MACF1: variants seen among roughly 807,000 people sequenced by gnomAD.
The protein encoded by MACF1 is microtubule actin crosslinking factor 1.
Under a neutral mutation model 854.8 loss-of-function variants are expected in MACF1, and 193 were observed. The observed-to-expected ratio is 0.23, with a 90% CI of 0.20 to 0.25. MACF1 has a LOEUF of 0.25. Among genes scored for constraint, MACF1 ranks in the 10% least tolerant of loss-of-function variants. The pLI, the probability that MACF1 is intolerant of heterozygous loss-of-function variation, is 1.00. For missense variants in MACF1, 7,722 were observed against 8,929.1 expected (o/e 0.86, Z 5.45); for synonymous variants, 3,185 against 3,226.7 (o/e 0.99, Z 0.44).
At chr1:39,149,778 C>T (rs1199864973) in intron 2 of MACF1, among the ~76,000 whole-genome samples, 2 of 152,040 alleles carry the variant, frequency 1.3e-5, no homozygotes, top group African/African-American at 4.8e-5. Flanking sequence ...GCCTCCTCTC[C>T]AACCACTTTC....
chr1:39,484,165 T>TA (rs915949963), intron 99 of MACF1, among the ~76,000 whole-genome samples: 2 of 152,040 alleles, frequency 1.3e-5, no homozygotes, highest in African/African-American at 4.8e-5. Flanking sequence ...AAAAATAAAA[T>TA]AAAAAAAGAT....
intron 52 of MACF1, among the ~76,000 whole-genome samples, chr1:39,375,111 AAAAT>A (rs567767237): frequency 2.6e-5 from 4 of 151,754 alleles, no homozygotes; most frequent in Non-Finnish European, 5.9e-5. Context: ...CTCCATCTCA[AAAAT>A]AAATAAATAA....
chr1:39,334,617 TTTGC>T lies in MACF1; in HGVS notation c.8030_8033del (p.Phe2677TyrfsTer4), dbSNP rs1454821205. 1 of 1,613,954 alleles carries T rather than the reference TTTGC, an allele frequency of 6.2e-7. No homozygotes were observed. Among genetic ancestry groups the T allele is most frequent in the African/African-American group, 1.3e-5 (1 of 74,918 alleles). ...AGCAATTCAGCTTGGAAAAGTAGAC[TTTGC>T]ATCTACGCTGAAGGTTCTAGAAGCC... is the stretch of plus-strand genomic sequence containing the variant. On this transcript the variant is annotated frameshift_variant, in exon 37 of 101. Transcript: ENST00000564288. LOFTEE classifies it high-confidence loss of function.
chr1:39,393,196 A>AAAAAAAAAAAATATATATAT (rs57576149), intron 58 of MACF1, among the ~76,000 whole-genome samples: 1 of 66,576 alleles, frequency 1.5e-5, no homozygotes, highest in Non-Finnish European at 2.6e-5. Context: ...AAAAAAAAAA[A>AAAAAAAAAAAATATATATAT]ATATATATAT....
At chr1:39,290,092 T>G (rs1645745070) in intron 15 of MACF1, among the ~76,000 whole-genome samples, 1 of 152,146 alleles carries the variant, frequency 6.6e-6, no homozygotes, top group African/African-American at 2.4e-5. Context: ...TATGTTGGTG[T>G]GGTATTATTC....
chr1:39,295,491 A>G (rs76320410), intron 19 of MACF1, among the ~76,000 whole-genome samples: 3,066 of 152,336 alleles, frequency 0.02, 112 homozygotes, highest in African/African-American at 0.071. Context: ...GAAGAGAAAC[A>G]GTGGAAGAAT....
Position 39,462,049 on chromosome 1 carries a change from A to C in MACF1, c.21678+12A>C, listed in dbSNP as rs1424110328. On this transcript the variant is annotated intron_variant, in intron 93 of 100. Transcript: ENST00000564288. ...AAATCGAAGATGAGGTAAGGGAAAT[A>C]ATTATATTTTGAGTACACTTCTGGC... The C allele has an allele frequency of 8.7e-6, 14 of 1,613,082 alleles. No individual in the cohort carries two copies. Among genetic ancestry groups the C allele is most frequent in the Non-Finnish European group, 1.2e-5 (14 of 1,179,486 alleles).
intron 49 of MACF1, among the ~76,000 whole-genome samples, chr1:39,363,628 A>T (rs1399187842): frequency 1.6e-5 from 2 of 126,844 alleles, no homozygotes; most frequent in Non-Finnish European, 3.5e-5. Flanking sequence ...TTTGAGACAG[A>T]GTCTTACTCT....
At chr1:39,305,634 A>T (rs1211002357) in intron 23 of MACF1, among the ~76,000 whole-genome samples, 1 of 152,196 alleles carries the variant, frequency 6.6e-6, no homozygotes, top group Non-Finnish European at 1.5e-5. Flanking sequence ...TTGTTTTATT[A>T]GTACATGTGT....
chr1:39,251,945 GGTCCTCCTGGGGATGCCAGCATCCCAGCT>G lies in MACF1; in HGVS notation c.357+6_357+34del. The G allele has an allele frequency of 6.7e-7, 1 of 1,498,422 alleles. No homozygotes were observed. Among genetic ancestry groups the G allele is most frequent in the Non-Finnish European group, 8.9e-7 (1 of 1,128,058 alleles). 92.8% of individuals were successfully genotyped at this position (1,498,422 alleles called of 1,614,324 possible). A position where few individuals can be genotyped will look rare whatever the true frequency, so the allele number is the denominator to read the frequency against. ...GGAGGAAGATGATGATGATGTAGTA[GGTCCTCCTGGGGATGCCAGCATCCCAGCT>G]GGCACTGCTGGCACTGCAGGGCCAT... On this transcript the variant is annotated splice_donor_5th_base_variant and intron_variant, in intron 4 of 100. Coordinates refer to ENST00000564288, the MANE Select transcript of MACF1 (RefSeq NM_001394062.1).
At chr1:39,411,044 C>A (rs141259269) in intron 58 of MACF1, 1 of 1,613,850 alleles carries the variant, frequency 6.2e-7, no homozygotes, top group Non-Finnish European at 8.5e-7. Context: ...GCAACCTGGC[C>A]GAGGGCCACA....
At chr1:39,267,748 TG>T (rs1468496615) in intron 6 of MACF1, among the ~76,000 whole-genome samples, 2 of 152,236 alleles carry the variant, frequency 1.3e-5, no homozygotes, top group Non-Finnish European at 2.9e-5. Flanking sequence ...CCTGTTCATC[TG>T]TTGTATTTAG....
chr1:39,237,751 T>C (rs1279152325), intron 2 of MACF1, among the ~76,000 whole-genome samples: 1 of 151,814 alleles, frequency 6.6e-6, no homozygotes, highest in East Asian at 1.9e-4. Flanking sequence ...TGATATTAAT[T>C]AAACGTAAGG....
intron 94 of MACF1, 22 bp from the exon 95 acceptor site, chr1:39,465,073 C>T: frequency 6.2e-7 from 1 of 1,609,546 alleles, no homozygotes; most frequent in African/African-American, 1.3e-5. Context: ...TTCCTCCATC[C>T]TTTACTCTTT....
At chr1:39,232,343 T>C (rs879824016) in intron 2 of MACF1, among the ~76,000 whole-genome samples, 15 of 152,148 alleles carry the variant, frequency 9.9e-5, no homozygotes, top group Non-Finnish European at 1.8e-4. Flanking sequence ...AGCCTAGTTT[T>C]ATCTTCCTCT....
At chr1:39,190,402 T>TTTTG (rs1553160967) in intron 2 of MACF1, among the ~76,000 whole-genome samples, 22 of 93,036 alleles carry the variant, frequency 2.4e-4, no homozygotes, top group South Asian at 2.1e-3. Flanking sequence ...TTTGTTTTTG[T>TTTTG]TTTTTTTTTT....
Position 39,386,213 on chromosome 1 carries a change from T to C in MACF1, c.14344+284T>C, listed in dbSNP as rs540482198. ...TCATCCCCATAGATGTACTGATAAA[T>C]GGAGTTCCACATATACTCTCATTGA... is the stretch of plus-strand genomic sequence containing the variant. On this transcript the variant is annotated intron_variant, in intron 57 of 100. Coordinates refer to ENST00000564288, the MANE Select transcript of MACF1 (RefSeq NM_001394062.1). Among the ~76,000 whole-genome samples the C allele has an allele frequency of 9.9e-5, 15 of 151,648 alleles. No homozygotes were observed. In the South Asian group the frequency reaches 3.1e-3, roughly 32 times the overall value.
At chr1:39,350,623 T>C (rs940366036) in intron 42 of MACF1, among the ~76,000 whole-genome samples, 162 bp from the exon 43 acceptor site, 2 of 152,204 alleles carry the variant, frequency 1.3e-5, no homozygotes, top group Admixed American at 1.3e-4. Flanking sequence ...GAAAACAAAA[T>C]CAAATTTCTT....
Position 39,361,347 on chromosome 1 carries a change from T to A in MACF1, c.12454-13T>A, listed in dbSNP as rs1047096871. ...AGTGAACCAGGAGCTGACAGACGTGTTCTTCATGACAGAAATTGAAGCAGG... is the reference window on the plus strand; with the variant it reads ...AGTGAACCAGGAGCTGACAGACGTGATCTTCATGACAGAAATTGAAGCAGG... On this transcript the variant is annotated splice_polypyrimidine_tract_variant and intron_variant, in intron 48 of 100. Transcript: ENST00000564288. 2.5e-6 allele frequency: 4 copies of A among 1,608,880 alleles called. No individual in the cohort carries two copies. Among genetic ancestry groups the A allele is most frequent in the Admixed American group, 1.7e-5 (1 of 59,862 alleles).
Sources: allele counts gnomAD v4.1 joint callset (sites outside exome capture counted in the v4.1 genomes callset), GRCh38; gene constraint gnomAD v4.1.1; transcripts MANE v1.5; gene names NCBI Gene and HGNC (gene_info 2026-07-23, HGNC 2026-07-21).